Variants in SYNDIG1 observed in about 807,000 individuals in gnomAD.
The protein encoded by SYNDIG1 is synapse differentiation-inducing gene protein 1.
SYNDIG1 carries 9 observed loss-of-function variants against 19.4 expected under a neutral mutation model. The ratio of observed to expected loss-of-function variants is 0.46; its 90% confidence interval spans 0.28 to 0.81. The LOEUF is 0.81. Ranked by LOEUF, SYNDIG1 falls within the 30% of genes least tolerant of loss-of-function variation. SYNDIG1 has a pLI of 0.12. For missense variants in SYNDIG1, 311 were observed against 343.3 expected (o/e 0.91, Z 0.74); for synonymous variants, 141 against 145.9 (o/e 0.97, Z 0.24).
At chr20:24,603,504 C>A (rs1036795181) in intron 3 of SYNDIG1, among the ~76,000 whole-genome samples, 2 of 152,134 alleles carry the variant, frequency 1.3e-5, no homozygotes, top group Admixed American at 1.3e-4. Context: ...TAATGACAGG[C>A]GTGCCCTGAG....
At chr20:24,488,085 G>C in intron 1 of SYNDIG1, among the ~76,000 whole-genome samples, 1 of 152,144 alleles carries the variant, frequency 6.6e-6, no homozygotes, top group East Asian at 1.9e-4. Context: ...TAGGGTGATT[G>C]GTTACACAAC....
chr20:24,580,708 C>T (rs772003574), intron 2 of SYNDIG1, among the ~76,000 whole-genome samples: 1 of 152,138 alleles, frequency 6.6e-6, no homozygotes, highest in Non-Finnish European at 1.5e-5. Flanking sequence ...CATGCCCACC[C>T]CTCAGTTTTT....
intron 3 of SYNDIG1, among the ~76,000 whole-genome samples, chr20:24,603,278 T>C (rs996908196): frequency 6.6e-5 from 10 of 152,086 alleles, no homozygotes; most frequent in African/African-American, 2.4e-4. Flanking sequence ...GATCAAACCA[T>C]GCTGCCAAAT....
At chr20:24,511,180 T>C (rs915147046) in intron 1 of SYNDIG1, among the ~76,000 whole-genome samples, 1 of 152,204 alleles carries the variant, frequency 6.6e-6, no homozygotes, top group Non-Finnish European at 1.5e-5. Flanking sequence ...CATTTCTTGG[T>C]AAATTTTAAA....
chr20:24,504,240 G>A (rs2056530808), intron 1 of SYNDIG1, among the ~76,000 whole-genome samples: 1 of 152,208 alleles, frequency 6.6e-6, no homozygotes, highest in African/African-American at 2.4e-5. Flanking sequence ...TTACAGGTGT[G>A]AGCCACCGCG....
intron 1 of SYNDIG1, among the ~76,000 whole-genome samples, chr20:24,516,243 A>G (rs2056861216): frequency 6.6e-6 from 1 of 152,238 alleles, no homozygotes; most frequent in African/African-American, 2.4e-5. Flanking sequence ...AAGAAAACCT[A>G]GGCAATACCA....
chr20:24,495,139 C>T (rs1042309676), intron 1 of SYNDIG1, among the ~76,000 whole-genome samples: 1 of 152,218 alleles, frequency 6.6e-6, no homozygotes, highest in Non-Finnish European at 1.5e-5. Flanking sequence ...TGGCCATGTT[C>T]CTCTACTAGG....
intron 3 of SYNDIG1, among the ~76,000 whole-genome samples, chr20:24,641,928 T>C (rs2059381201): frequency 6.6e-6 from 1 of 152,224 alleles, no homozygotes; most frequent in Non-Finnish European, 1.5e-5. Flanking sequence ...TTCCCTAACA[T>C]CTTATGGTGT....
At chr20:24,546,895 G>GA (rs542832374) in intron 2 of SYNDIG1, among the ~76,000 whole-genome samples, 46 of 150,666 alleles carry the variant, frequency 3.1e-4, no homozygotes, top group East Asian at 1.7e-3. Flanking sequence ...AGCCAAAAAA[G>GA]AAAAAAAAAT....
At chr20:24,585,053 G>GGGGGGGCCCC in intron 3 of SYNDIG1, 60 bp downstream of exon 3, 2 of 647,992 alleles carry the variant, frequency 3.1e-6, no homozygotes, top group Non-Finnish European at 5.4e-6. Flanking sequence ...GGGGGTGGGG[G>GGGGGGGCCCC]CGGCAATCCC....
intron 3 of SYNDIG1, among the ~76,000 whole-genome samples, chr20:24,597,821 G>T (rs1028990748): frequency 2.0e-5 from 3 of 152,142 alleles, no homozygotes; most frequent in Non-Finnish European, 2.9e-5. Context: ...GCAAGAATCA[G>T]AGCAGCACCT....
chr20:24,489,278 AC>A (rs1436768637), intron 1 of SYNDIG1, among the ~76,000 whole-genome samples: 9 of 148,086 alleles, frequency 6.1e-5, no homozygotes, highest in Non-Finnish European at 1.2e-4. Flanking sequence ...ACACGTGCTC[AC>A]AGGGACAGGC....
At position 24,617,030 on chromosome 20, in the gene SYNDIG1, C is replaced by T. The variant is rs80203463; in HGVS notation, c.618+32037C>T. 3.8e-3 allele frequency among the ~76,000 whole-genome samples: 582 copies of T among 152,268 alleles called. 4 individuals are homozygous for T. Among genetic ancestry groups the T allele is most frequent in the Non-Finnish European group, 6.6e-3 (448 of 68,006 alleles). ...ATCTGCCCGCTTCCACAGCCCTCTG[C>T]GGCACCCGTGCACTCTCAGGCCTCT... On this transcript the variant is annotated intron_variant, in intron 3 of 3. Coordinates refer to ENST00000376862, the MANE Select transcript of SYNDIG1 (RefSeq NM_024893.3).
intron 1 of SYNDIG1, among the ~76,000 whole-genome samples, chr20:24,504,734 G>T (rs929425362): frequency 6.6e-6 from 1 of 152,224 alleles, no homozygotes; most frequent in African/African-American, 2.4e-5. Context: ...AGATGTCAGA[G>T]TTGAGACGGA....
chr20:24,656,736 C>T (rs573197274), intron 3 of SYNDIG1, among the ~76,000 whole-genome samples: 1 of 152,380 alleles, frequency 6.6e-6, no homozygotes, highest in South Asian at 2.1e-4. Context: ...CAGTGCCAGC[C>T]CCGCAGCCCC....
intron 2 of SYNDIG1, among the ~76,000 whole-genome samples, chr20:24,583,083 A>C (rs1167071190): frequency 6.6e-6 from 1 of 152,200 alleles, no homozygotes; most frequent in Non-Finnish European, 1.5e-5. Flanking sequence ...GTCTCACTGC[A>C]GCCCTGCGGC....
intron 2 of SYNDIG1, among the ~76,000 whole-genome samples, chr20:24,582,284 C>G (rs2058340503): frequency 8.2e-6 from 1 of 121,360 alleles, no homozygotes; most frequent in Non-Finnish European, 1.7e-5. Flanking sequence ...ACGGTCTCCC[C>G]CCTTGACGTC....
intron 2 of SYNDIG1, among the ~76,000 whole-genome samples, chr20:24,560,886 A>G (rs999750008): frequency 1.3e-5 from 2 of 151,718 alleles, no homozygotes; most frequent in Non-Finnish European, 2.9e-5. Flanking sequence ...AAAAAAAAAA[A>G]AGTGTTGTTT....
At chr20:24,615,114 G>A (rs2058909824) in intron 3 of SYNDIG1, among the ~76,000 whole-genome samples, 2 of 152,234 alleles carry the variant, frequency 1.3e-5, no homozygotes, top group African/African-American at 2.4e-5. Context: ...AGTATCTTAA[G>A]TAGGTTAGGC....
Sources: gnomAD v4.1 joint callset for allele counts (sites outside exome capture counted in the v4.1 genomes callset) on GRCh38, gnomAD v4.1.1 for gene constraint, MANE v1.5 for transcripts, NCBI Gene and HGNC (gene_info 2026-07-23, HGNC 2026-07-21) for gene names.